Variants in ZRANB3 observed in about 807,000 individuals in gnomAD.
The protein encoded by ZRANB3 is DNA annealing helicase and endonuclease ZRANB3.
In ZRANB3, 125 loss-of-function variants were observed where a neutral mutation model predicts 133.8. That is an observed-to-expected ratio of 0.93 (90% CI 0.81 to 1.08). The LOEUF (loss-of-function observed/expected upper bound fraction) is 1.08, where lower values mean the gene tolerates loss of function less well. ZRANB3 is among the 50% of genes least tolerant of loss of function. The pLI, the probability that ZRANB3 is intolerant of heterozygous loss-of-function variation, is 0.00. For missense variants in ZRANB3, 1,229 were observed against 1,275.5 expected, an observed-to-expected ratio of 0.96 and a Z score of 0.56; for synonymous variants, 387 against 432.7, an observed-to-expected ratio of 0.89 and a Z score of 1.31.
At chr2:135,429,149 A>G (rs1198041486) in intron 2 of ZRANB3, among the ~76,000 whole-genome samples, 1 of 152,216 alleles carries the variant, frequency 6.6e-6, no homozygotes, top group East Asian at 1.9e-4. Flanking sequence ...GCCCATCAAC[A>G]ACAGACTGGA....
chr2:135,481,381 T>C (rs1396492219), intron 2 of ZRANB3, among the ~76,000 whole-genome samples: 3 of 152,172 alleles, frequency 2.0e-5, no homozygotes, highest in Middle Eastern at 3.2e-3. Flanking sequence ...ATGAGCATTT[T>C]TTCATGTGTT....
intron 3 of ZRANB3, among the ~76,000 whole-genome samples, chr2:135,388,177 T>G (rs1257806557): frequency 8.5e-5 from 13 of 152,164 alleles, no homozygotes; most frequent in Non-Finnish European, 1.9e-4. Flanking sequence ...CTCCCATTTA[T>G]AAAACCATCA....
chr2:135,304,670 TCA>T (rs1682590518), intron 8 of ZRANB3, among the ~76,000 whole-genome samples: 1 of 152,128 alleles, frequency 6.6e-6, no homozygotes, highest in Non-Finnish European at 1.5e-5. Context: ...CATTGAGGCC[TCA>T]AATTTTCATT....
chr2:135,358,281 C>G (rs992118759), intron 3 of ZRANB3, among the ~76,000 whole-genome samples: 1 of 152,184 alleles, frequency 6.6e-6, no homozygotes, highest in Non-Finnish European at 1.5e-5. Context: ...ATAATTCTCT[C>G]AAGTTTCCTC....
At chr2:135,519,449 T>C (rs1693833204) in intron 1 of ZRANB3, among the ~76,000 whole-genome samples, 2 of 152,094 alleles carry the variant, frequency 1.3e-5, no homozygotes, top group African/African-American at 4.8e-5. Flanking sequence ...AGGTCCAGGC[T>C]GCAGTGAGCT....
In ZRANB3 at chr2:135,520,137, A is replaced by G. The variant is rs578080010; in HGVS notation, c.-8+10990T>C. 1.1e-4 allele frequency among the ~76,000 whole-genome samples: 16 copies of G among 148,582 alleles called. No individual in the cohort carries two copies. The South Asian group carries it at 3.4e-3, about 31-fold the overall frequency. ...GGTGGCTCATGCCTGTAATCCCAGC[A>G]CTTTGGGAGGCCGAGGCGGGTGGAT... On this transcript the variant is annotated intron_variant, in intron 1 of 20. Coordinates refer to ENST00000264159, the MANE Select transcript of ZRANB3 (RefSeq NM_032143.4).
intron 12 of ZRANB3, among the ~76,000 whole-genome samples, chr2:135,240,374 C>A (rs938438221): frequency 2.0e-5 from 3 of 152,176 alleles, no homozygotes; most frequent in Admixed American, 6.5e-5. Flanking sequence ...ATATTCTATT[C>A]TGCACAATAA....
intron 8 of ZRANB3, among the ~76,000 whole-genome samples, chr2:135,299,121 A>T (rs1203533368): frequency 6.6e-6 from 1 of 152,138 alleles, no homozygotes; most frequent in Non-Finnish European, 1.5e-5. Context: ...AGAGAAGACC[A>T]TCAGGTCGCA....
intron 1 of ZRANB3, chr2:135,511,434 G>T: frequency 1.2e-6 from 1 of 818,192 alleles, no homozygotes; most frequent in Non-Finnish European, 2.2e-6. Flanking sequence ...GAAAGTTCCA[G>T]AATCATCAGG....
intron 12 of ZRANB3, among the ~76,000 whole-genome samples, chr2:135,252,237 T>C (rs1441000385): frequency 5.3e-5 from 8 of 152,160 alleles, no homozygotes. Flanking sequence ...AAGATAACTA[T>C]TGGGTACTGG....
intron 5 of ZRANB3, among the ~76,000 whole-genome samples, chr2:135,348,845 C>A (rs1685065012): frequency 6.6e-6 from 1 of 152,086 alleles, no homozygotes; most frequent in Non-Finnish European, 1.5e-5. Flanking sequence ...CCACTCGCCT[C>A]GGCTTCCCAA....
At chr2:135,309,303 T>C (rs1265821300) in intron 8 of ZRANB3, among the ~76,000 whole-genome samples, 1 of 152,132 alleles carries the variant, frequency 6.6e-6, no homozygotes, top group Non-Finnish European at 1.5e-5. Flanking sequence ...TATTTAATGG[T>C]GAAAGACTAA....
chr2:135,493,440 A>G (rs1000224923), intron 2 of ZRANB3, among the ~76,000 whole-genome samples: 1 of 151,530 alleles, frequency 6.6e-6, no homozygotes, highest in Non-Finnish European at 1.5e-5. Context: ...AAGAACTTCC[A>G]ATAAATAATA....
At chr2:135,504,224 TA>T in intron 2 of ZRANB3, 104 bp downstream of exon 2, 1 of 1,341,206 alleles carries the variant, frequency 7.5e-7, no homozygotes, top group Non-Finnish European at 1.1e-6. Flanking sequence ...TCAATTCTAC[TA>T]AAGAAAGACT....
chr2:135,467,795 C>T (rs1691064552), intron 2 of ZRANB3, among the ~76,000 whole-genome samples: 1 of 152,198 alleles, frequency 6.6e-6, no homozygotes, highest in South Asian at 2.1e-4. Context: ...TCATTAACAG[C>T]ACTCCAGACC....
intron 6 of ZRANB3, among the ~76,000 whole-genome samples, chr2:135,331,917 A>G (rs563078661): frequency 1.3e-5 from 2 of 152,244 alleles, no homozygotes; most frequent in Admixed American, 1.3e-4. Flanking sequence ...TTTGTTAAAA[A>G]TAAGTATGAA....
At chr2:135,381,626 G>A (rs1043011277) in intron 3 of ZRANB3, among the ~76,000 whole-genome samples, 3 of 152,132 alleles carry the variant, frequency 2.0e-5, no homozygotes, top group East Asian at 1.9e-4. Context: ...ACACATGGCC[G>A]GGTATCCCTC....
intron 11 of ZRANB3, 127 bp from the exon 12 acceptor site, chr2:135,265,813 AT>A: frequency 1.0e-6 from 1 of 996,222 alleles, no homozygotes; most frequent in South Asian, 1.9e-5. Flanking sequence ...CCAACATATC[AT>A]GGGCTTTAGT....
At chr2:135,428,577 T>C (rs1343332855) in intron 2 of ZRANB3, among the ~76,000 whole-genome samples, 1 of 152,140 alleles carries the variant, frequency 6.6e-6, no homozygotes, top group East Asian at 1.9e-4. Context: ...TTACAGAATT[T>C]TGGGAGAAAA....
Sources: allele counts gnomAD v4.1 joint callset (sites outside exome capture counted in the v4.1 genomes callset), GRCh38; gene constraint gnomAD v4.1.1; transcripts MANE v1.5; gene names NCBI Gene and HGNC (gene_info 2026-07-23, HGNC 2026-07-21).